The following ARNT variants were observed in gnomAD, a reference collection of about 807,000 sequenced individuals.
The protein encoded by ARNT is class E basic helix-loop-helix protein 2.
A neutral mutation model predicts 105.0 loss-of-function variants in ARNT; 30 were observed. The observed-to-expected ratio is 0.29, with a 90% CI of 0.21 to 0.39. The LOEUF is 0.39. ARNT is among the 10% of genes least tolerant of loss of function. ARNT has a pLI of 1.00. For synonymous variants in ARNT, 304 were observed against 344.0 expected (o/e 0.88, Z 1.29); for missense variants, 748 against 978.7 (o/e 0.76, Z 3.15).
chr1:150,817,309 A>C, intron 16 of ARNT, 52 bp downstream of exon 16: 1 of 1,611,518 alleles, frequency 6.2e-7, no homozygotes, highest in Non-Finnish European at 8.5e-7. Flanking sequence ...ACCGGAGAAC[A>C]CTTCCTAAGT....
intron 15 of ARNT, 74 bp from the exon 16 acceptor site, chr1:150,817,507 C>T: frequency 1.0e-5 from 15 of 1,443,908 alleles, no homozygotes; most frequent in Non-Finnish European, 1.4e-5. Context: ...GGAGAAAGAA[C>T]CTTAAAACAA....
chr1:150,822,079 T>C (rs1009737434), intron 14 of ARNT, among the ~76,000 whole-genome samples: 2 of 152,144 alleles, frequency 1.3e-5, no homozygotes, highest in African/African-American at 4.8e-5. Flanking sequence ...ATTTAATACA[T>C]TCATGTATGA....
chr1:150,812,393 T>C (rs920248858), intron 21 of ARNT, among the ~76,000 whole-genome samples: 15 of 152,168 alleles, frequency 9.9e-5, no homozygotes, highest in Non-Finnish European at 1.9e-4. Flanking sequence ...TAACCCCCTA[T>C]AGACATATAT....
chr1:150,872,712 G>A (rs1268924513), intron 1 of ARNT, among the ~76,000 whole-genome samples: 1 of 152,140 alleles, frequency 6.6e-6, no homozygotes, highest in Non-Finnish European at 1.5e-5. Flanking sequence ...TATAATCCCA[G>A]CTCTTGGGGA....
intron 3 of ARNT, among the ~76,000 whole-genome samples, chr1:150,847,208 G>A (rs903160928): frequency 2.0e-5 from 3 of 152,064 alleles, no homozygotes; most frequent in African/African-American, 7.2e-5. Flanking sequence ...AACACTGGGC[G>A]GATCACGAAG....
chr1:150,836,631 A>G, intron 6 of ARNT, 138 bp from the exon 7 acceptor site: 1 of 805,274 alleles, frequency 1.2e-6, no homozygotes. Context: ...ATCCACAGCC[A>G]CAGGTTTCCA....
In ARNT at chr1:150,811,570, A is replaced by G. The variant is rs1432998591; in HGVS notation, c.*451T>C. 4.3e-6 allele frequency: 1 copy of G among 233,630 alleles called. No homozygotes were observed. The highest frequency in any genetic ancestry group is 2.2e-5 in the African/African-American group (1 of 45,368). The allele number at this position is 233,630 out of a possible 1,614,324, so 14.5% of individuals were successfully genotyped here. On this transcript the variant is annotated 3_prime_UTR_variant, in exon 22 of 22. Coordinates refer to ENST00000358595, the MANE Select transcript of ARNT (RefSeq NM_001668.4). Reference sequence around the variant, plus strand: ...AAGAGCCTATGCTCAAACTTGCTAAAGCCCCATATATACCTACAATGTTTC... The same window carrying G: ...AAGAGCCTATGCTCAAACTTGCTAAGGCCCCATATATACCTACAATGTTTC...
rs781056802 is a variant in ARNT at position 150,839,665 on chromosome 1, A to G, written c.273-11T>C. 4.3e-6 allele frequency: 7 copies of G among 1,609,372 alleles called. No individual in the cohort carries two copies. The South Asian group carries it at 4.4e-5, about 10-fold the overall frequency. ...TCACTGTGATTTTCCCTGCATGGAA[A>G]GAAAGAGAAGCCCCATCCAGGTGGT... On this transcript the variant is annotated splice_polypyrimidine_tract_variant and intron_variant, in intron 5 of 21. Transcript: ENST00000358595.
chr1:150,854,880 G>A (rs919414819), intron 2 of ARNT, among the ~76,000 whole-genome samples: 2 of 149,732 alleles, frequency 1.3e-5, no homozygotes, highest in African/African-American at 4.9e-5. Flanking sequence ...AAAAAAAAGG[G>A]AAGGGGAAAG....
intron 1 of ARNT, among the ~76,000 whole-genome samples, chr1:150,874,936 C>T (rs909897461): frequency 6.6e-6 from 1 of 152,092 alleles, no homozygotes; most frequent in Non-Finnish European, 1.5e-5. Context: ...ATTCTGGTTG[C>T]TGTTGTTCAA....
chr1:150,841,111 GT>G (rs76764447), intron 5 of ARNT, among the ~76,000 whole-genome samples: 107 of 140,642 alleles, frequency 7.6e-4, no homozygotes, highest in East Asian at 1.2e-3. Context: ...ACCACGCCCA[GT>G]TTTTTTTTTT....
chr1:150,873,988 T>C (rs1337516132), intron 1 of ARNT, among the ~76,000 whole-genome samples: 1 of 121,040 alleles, frequency 8.3e-6, no homozygotes, highest in African/African-American at 2.9e-5. Flanking sequence ...GAAATATTTT[T>C]TAAAATCTTG....
intron 2 of ARNT, chr1:150,853,380 A>G: frequency 4.2e-6 from 1 of 236,930 alleles, no homozygotes; most frequent in Admixed American, 5.5e-5. Flanking sequence ...AGAGTTTTCA[A>G]TCAGACTACA....
chr1:150,854,815 C>T (rs182846648), intron 2 of ARNT, among the ~76,000 whole-genome samples: 25 of 146,342 alleles, frequency 1.7e-4, no homozygotes, highest in African/African-American at 6.4e-4. Flanking sequence ...CAAAATTGCG[C>T]CACTGCACTC....
intron 1 of ARNT, among the ~76,000 whole-genome samples, chr1:150,869,351 C>G (rs1033371417): frequency 6.6e-6 from 1 of 151,874 alleles, no homozygotes; most frequent in Non-Finnish European, 1.5e-5. Flanking sequence ...GTGGTGGATG[C>G]CTGTAGTCCC....
intron 3 of ARNT, among the ~76,000 whole-genome samples, chr1:150,849,151 C>T (rs1457433353): frequency 6.6e-6 from 1 of 151,620 alleles, no homozygotes; most frequent in Admixed American, 6.6e-5. Flanking sequence ...TGCGGTGAGC[C>T]GAGATCATAC....
intron 9 of ARNT, 38 bp from the exon 10 acceptor site, chr1:150,831,941 A>G: frequency 1.6e-6 from 2 of 1,273,890 alleles, no homozygotes; most frequent in Admixed American, 2.3e-5. Context: ...AAAAAAAAAA[A>G]TCTACCCGTA....
At chr1:150,844,939 A>G (rs587624472) in intron 4 of ARNT, among the ~76,000 whole-genome samples, 2 of 151,876 alleles carry the variant, frequency 1.3e-5, no homozygotes, top group African/African-American at 4.8e-5. Flanking sequence ...CCTCTAGAGT[A>G]GCTGGGATTA....
intron 21 of ARNT, among the ~76,000 whole-genome samples, 157 bp from the exon 22 acceptor site, chr1:150,812,267 T>C (rs949974606): frequency 3.3e-5 from 5 of 152,326 alleles, no homozygotes; most frequent in East Asian, 1.9e-4. Context: ...TTGACTCCTT[T>C]AGATCGCAGC....
Sources: gnomAD v4.1 joint callset for allele counts (sites outside exome capture counted in the v4.1 genomes callset) on GRCh38, gnomAD v4.1.1 for gene constraint, MANE v1.5 for transcripts, NCBI Gene and HGNC (gene_info 2026-07-23, HGNC 2026-07-21) for gene names.